Variants in ALKBH2 observed in about 807,000 individuals in gnomAD.
The protein encoded by ALKBH2 is alkB homolog 2, alpha-ketoglutarate dependent dioxygenase, also known as DNA oxidative demethylase ALKBH2.
A neutral mutation model predicts 19.7 loss-of-function variants in ALKBH2; 19 were observed. That is an observed-to-expected ratio of 0.97 (90% CI 0.67 to 1.42). ALKBH2 has a LOEUF of 1.42. Ranked by LOEUF, ALKBH2 falls within the 40% of genes most tolerant of loss-of-function variation. The pLI is 0.00. For missense variants in ALKBH2, 310 were observed against 328.5 expected, an observed-to-expected ratio of 0.94 and a Z score of 0.43; for synonymous variants, 135 against 131.2, an observed-to-expected ratio of 1.03 and a Z score of -0.20.
Position 109,092,973 on chromosome 12 carries a change from G to C in ALKBH2, c.-151-36C>G, listed in dbSNP as rs1038974834. ...AACAGAAGATGTTAAAGCCGGAAGGGACCCTAGGGACAATCTGATCCAGGG... is the reference window on the plus strand; with the variant it reads ...AACAGAAGATGTTAAAGCCGGAAGGCACCCTAGGGACAATCTGATCCAGGG... On this transcript the variant is annotated intron_variant, in intron 1 of 3. Coordinates refer to ENST00000429722, the MANE Select transcript of ALKBH2 (RefSeq NM_001145374.2). 4.2e-5 allele frequency: 59 copies of C among 1,390,100 alleles called. No individual in the cohort carries two copies. In the African/African-American group the frequency reaches 7.9e-4, roughly 19 times the overall value. 86.1% of individuals were successfully genotyped at this position (1,390,100 alleles called of 1,614,324 possible). A position where few individuals can be genotyped will look rare whatever the true frequency, so the allele number is the denominator to read the frequency against.
At chr12:109,089,507 C>T in intron 3 of ALKBH2, 1 of 178,778 alleles carries the variant, frequency 5.6e-6, no homozygotes, top group Admixed American at 5.4e-5. Flanking sequence ...AATGACTGGG[C>T]CCAAAATGTC....
intron 2 of ALKBH2, among the ~76,000 whole-genome samples, chr12:109,090,846 C>T (rs2042050416): frequency 6.6e-6 from 1 of 152,188 alleles, no homozygotes; most frequent in South Asian, 2.1e-4. Context: ...AGCCAACTGC[C>T]CCAAATGTTC....
At chr12:109,090,269 C>T in intron 2 of ALKBH2, 62 bp from the exon 3 acceptor site, 3 of 1,481,114 alleles carry the variant, frequency 2.0e-6, no homozygotes, top group East Asian at 2.3e-5. Context: ...TCCAGATGCC[C>T]CCCCCAACCC....
At chr12:109,091,250 G>T (rs1175698862) in intron 2 of ALKBH2, among the ~76,000 whole-genome samples, 1 of 152,174 alleles carries the variant, frequency 6.6e-6, no homozygotes, top group East Asian at 1.9e-4. Flanking sequence ...TCCAGGCTTG[G>T]TGGTGTACAT....
At chr12:109,090,807 T>C (rs1223709595) in intron 2 of ALKBH2, among the ~76,000 whole-genome samples, 1 of 152,200 alleles carries the variant, frequency 6.6e-6, no homozygotes, top group Non-Finnish European at 1.5e-5. Flanking sequence ...TCCCAAAGTC[T>C]GGGATTATAG....
In ALKBH2 at chr12:109,088,468, TC is replaced by T. The variant is rs779958313; in HGVS notation, c.523del (p.Glu175LysfsTer50). 2 of 1,611,442 alleles carry T rather than the reference TC, an allele frequency of 1.2e-6. No individual in the cohort carries two copies. The highest frequency in any genetic ancestry group is 2.2e-5 in the South Asian group (2 of 91,010). ...CDHIGEHRDD[E>X]RELAPGSPIA... is the part of the protein sequence containing the mutation. ...GGGGCTCCCAGGGGCCAGTTCTCTT[TC>T]ATCATCTCGGTGCTCCCCGATGTGG... On this transcript the variant is annotated frameshift_variant, in exon 4 of 4. Transcript: ENST00000429722. LOFTEE classifies it high-confidence loss of function. This position sits in a 1 kb window ranked among gnomAD's most constrained non-coding sequence, Gnocchi z 4.2.
intron 2 of ALKBH2, among the ~76,000 whole-genome samples, chr12:109,092,013 A>AAT (rs1176014215): frequency 6.6e-6 from 1 of 152,236 alleles, no homozygotes; most frequent in Non-Finnish European, 1.5e-5. Context: ...TCCTGCCAAC[A>AAT]GCAAGTCCAC....
At position 109,092,331 on chromosome 12, in the gene ALKBH2, C is replaced by T. The variant is rs550153461; in HGVS notation, c.280+176G>A. ...AATCCAGTTTCTTTCAAGTTTATGT[C>T]CCAAGCACCTAAGGGGCTTAGCCCA... is the stretch of plus-strand genomic sequence containing the variant. On this transcript the variant is annotated intron_variant, in intron 2 of 3. Coordinates refer to ENST00000429722, the MANE Select transcript of ALKBH2 (RefSeq NM_001145374.2). The T allele has an allele frequency of 9.2e-6, 9 of 983,054 alleles. No individual in the cohort carries two copies. In the Admixed American group the frequency reaches 2.8e-4, roughly 30 times the overall value. 60.9% of individuals were successfully genotyped at this position (983,054 alleles called of 1,614,324 possible).
chr12:109,092,968 G>T, intron 1 of ALKBH2, 31 bp from the exon 2 acceptor site: 2 of 1,407,596 alleles, frequency 1.4e-6, no homozygotes, highest in Non-Finnish European at 1.8e-6. Flanking sequence ...GTTAAAGCCG[G>T]AAGGGACCCT....
rs1208068341 is a variant in ALKBH2 at position 109,092,535 on chromosome 12, C to T, written c.252G>A (p.Glu84=). The change falls in exon 2 of 4, where the codon GAG becomes GAA. Residue 84 remains glutamate (E), a synonymous_variant. Transcript: ENST00000429722. ...GKAEADEIFQ[E]LEKEVEYFTG... The stretch of plus-strand genomic sequence containing the variant: ...TAAAATATTCTACTTCTTTCTCCAA[C>T]TCTTGGAAAATCTCATCTGCCTCAG... 1.9e-6 allele frequency: 3 copies of T among 1,598,562 alleles called. No individual in the cohort carries two copies. Among genetic ancestry groups the T allele is most frequent in the African/African-American group, 1.3e-5 (1 of 74,544 alleles).
At position 109,092,567 on chromosome 12, in the gene ALKBH2, C is replaced by T; in HGVS notation, c.220G>A (p.Gly74Ser). 2 of 1,605,066 alleles carry T rather than the reference C, an allele frequency of 1.2e-6. No homozygotes were observed. Among genetic ancestry groups the T allele is most frequent in the South Asian group, 1.1e-5 (1 of 89,946 alleles). ...GLDCSYTVLF[G>S]KAEADEIFQE... ...AAAATCTCATCTGCCTCAGCTTTGCCAAACAGGACTGTGTAACTGCAGTCC... is the reference window on the plus strand; with the variant it reads ...AAAATCTCATCTGCCTCAGCTTTGCTAAACAGGACTGTGTAACTGCAGTCC... The change falls in exon 2 of 4, where the codon GGC becomes AGC. Residue 74 changes from glycine (G) to serine (S), a missense_variant. Transcript: ENST00000429722.
chr12:109,089,834 C>A, intron 3 of ALKBH2, 175 bp downstream of exon 3: 1 of 636,304 alleles, frequency 1.6e-6, no homozygotes, highest in African/African-American at 1.8e-5. Flanking sequence ...ACTTCCTACT[C>A]CGGGATGAGC....
In ALKBH2 at chr12:109,092,410, T is replaced by C. The variant is rs77688580; in HGVS notation, c.280+97A>G. On this transcript the variant is annotated intron_variant, in intron 2 of 3. Coordinates refer to ENST00000429722, the MANE Select transcript of ALKBH2 (RefSeq NM_001145374.2). ...CATTAGTGAACCCATCAGTAAATAA[T>C]GGATCCTGAGTTCAGATTTCTCCAA... The C allele has an allele frequency of 2.4e-3, 3,464 of 1,420,490 alleles. 73 individuals are homozygous for C. The African/African-American group carries it at 0.042, about 17-fold the overall frequency. The allele number at this position is 1,420,490 out of a possible 1,614,324, so 88.0% of individuals were successfully genotyped here.
rs2042014057 is a variant in ALKBH2 at position 109,088,947 on chromosome 12, C to T, written c.480-435G>A. 6.6e-6 allele frequency among the ~76,000 whole-genome samples: 1 copy of T among 152,150 alleles called. No individual in the cohort carries two copies. Among genetic ancestry groups the T allele is most frequent in the African/African-American group, 2.4e-5 (1 of 41,450 alleles). Reference sequence around the variant, plus strand: ...GGCTGGTCTCAAACTCGGGCTCAAGCAATTCACTCTCCTTGGCCTCCCAAA... The same window carrying T: ...GGCTGGTCTCAAACTCGGGCTCAAGTAATTCACTCTCCTTGGCCTCCCAAA... On this transcript the variant is annotated intron_variant, in intron 3 of 3. Transcript: ENST00000429722. This position sits in a 1 kb window ranked among gnomAD's most constrained non-coding sequence, Gnocchi z 4.2.
intron 2 of ALKBH2, among the ~76,000 whole-genome samples, chr12:109,091,983 G>A (rs2042067184): frequency 6.6e-6 from 1 of 152,190 alleles, no homozygotes. Context: ...AACCACAGGG[G>A]TAGGGTCCAG....
chr12:109,088,783 TA>T lies in ALKBH2; in HGVS notation c.480-272del, dbSNP rs1431207020. Among the ~76,000 whole-genome samples the T allele has an allele frequency of 1.3e-5, 2 of 152,186 alleles. No homozygotes were observed. ...AGGCTGAAGTGCAGTGGCACAATCA[TA>T]GCTCACTGCAGCCTCGGCCTCCTGG... On this transcript the variant is annotated intron_variant, in intron 3 of 3. Transcript: ENST00000429722. The surrounding 1 kb of genome is among the most constrained non-coding windows in gnomAD (Gnocchi z 4.2).
At chr12:109,093,062 C>A (rs1352541392) in intron 1 of ALKBH2, 125 bp from the exon 2 acceptor site, 4 of 567,992 alleles carry the variant, frequency 7.0e-6, no homozygotes, top group Non-Finnish European at 7.8e-6. Flanking sequence ...GAGGTCTGCA[C>A]TCCACGCCTG....
chr12:109,092,479 A>ACG lies in ALKBH2; in HGVS notation c.280+27_280+28insCG, dbSNP rs764817493. ...CACCAAACAAGCCCTCAATGCACAC[A>ACG]CACACACACACACACCCCTCTGCTT... On this transcript the variant is annotated intron_variant, in intron 2 of 3. Coordinates refer to ENST00000429722, the MANE Select transcript of ALKBH2 (RefSeq NM_001145374.2). 2.0e-6 allele frequency: 3 copies of ACG among 1,524,786 alleles called. No homozygotes were observed. In the South Asian group the frequency reaches 3.9e-5, roughly 20 times the overall value. The allele number at this position is 1,524,786 out of a possible 1,614,324, so 94.5% of individuals were successfully genotyped here.
Position 109,092,821 on chromosome 12 carries a change from G to C in ALKBH2, c.-35C>G. The C allele has an allele frequency of 6.4e-7, 1 of 1,572,156 alleles. No individual in the cohort carries two copies. Among genetic ancestry groups the C allele is most frequent in the Non-Finnish European group, 8.6e-7 (1 of 1,161,988 alleles). On this transcript the variant is annotated 5_prime_UTR_variant, in exon 2 of 4. Coordinates refer to ENST00000429722, the MANE Select transcript of ALKBH2 (RefSeq NM_001145374.2). ...ACAGGAAAGAAGGGACGTCAGTGGC[G>C]AGGCCAAGACAGAAATTGCTCAAGT...
Sources: allele counts gnomAD v4.1 joint callset (sites outside exome capture counted in the v4.1 genomes callset), GRCh38; gene constraint gnomAD v4.1.1; non-coding constraint Gnocchi (gnomAD v3.1); transcripts MANE v1.5; gene names NCBI Gene and HGNC (gene_info 2026-07-23, HGNC 2026-07-21).